Variants in GPC5 observed in about 807,000 individuals in gnomAD.
GPC5 encodes the protein glypican 5.
In GPC5, 47 loss-of-function variants were observed where a neutral mutation model predicts 53.9. The observed-to-expected ratio is 0.87, with a 90% CI of 0.69 to 1.11. The LOEUF is 1.11. Among genes scored for constraint, GPC5 ranks in the 50% most tolerant of loss-of-function variants. The pLI is 0.00. For synonymous variants in GPC5, 286 were observed against 263.3 expected (o/e 1.09, Z -0.84); for missense variants, 748 against 713.1 (o/e 1.05, Z -0.56).
chr13:91,405,239 AT>A (rs1333665479), intron 1 of GPC5, among the ~76,000 whole-genome samples: 1 of 152,134 alleles, frequency 6.6e-6, no homozygotes, highest in East Asian at 1.9e-4. Context: ...GGGATTGGCA[AT>A]TCTTTGTTGT....
intron 7 of GPC5, among the ~76,000 whole-genome samples, chr13:92,796,775 T>A (rs1460688489): frequency 6.6e-6 from 1 of 151,946 alleles, no homozygotes; most frequent in Non-Finnish European, 1.5e-5. Flanking sequence ...TGTATTTTTT[T>A]ATTTTTAAAC....
intron 7 of GPC5, among the ~76,000 whole-genome samples, chr13:92,233,589 T>A (rs2042547030): frequency 6.6e-6 from 1 of 152,224 alleles, no homozygotes; most frequent in African/African-American, 2.4e-5. Flanking sequence ...TCTGATGTGG[T>A]GCTATATGCA....
At chr13:91,820,701 C>T (rs2038478645) in intron 5 of GPC5, among the ~76,000 whole-genome samples, 1 of 152,130 alleles carries the variant, frequency 6.6e-6, no homozygotes, top group African/African-American at 2.4e-5. Context: ...CGGTGGCTCA[C>T]GCCTGTAATC....
At chr13:91,635,831 G>A (rs970497280) in intron 2 of GPC5, among the ~76,000 whole-genome samples, 1 of 151,956 alleles carries the variant, frequency 6.6e-6, no homozygotes, top group Admixed American at 6.6e-5. Flanking sequence ...ACTCCCTTGG[G>A]ATTTTATTGA....
At chr13:91,799,556 G>A (rs534513387) in intron 5 of GPC5, among the ~76,000 whole-genome samples, 2 of 129,418 alleles carry the variant, frequency 1.5e-5, no homozygotes, top group African/African-American at 7.1e-5. Flanking sequence ...TGATTTCTTT[G>A]TTTATGTCTC....
At chr13:91,707,546 G>A (rs1305642616) in intron 3 of GPC5, among the ~76,000 whole-genome samples, 1 of 152,098 alleles carries the variant, frequency 6.6e-6, no homozygotes, top group East Asian at 1.9e-4. Flanking sequence ...ACATAAGCCT[G>A]GGACATCCAG....
At chr13:91,600,847 CAT>C (rs2033159007) in intron 2 of GPC5, among the ~76,000 whole-genome samples, 1 of 152,078 alleles carries the variant, frequency 6.6e-6, no homozygotes, top group South Asian at 2.1e-4. Flanking sequence ...TTAATCTAAT[CAT>C]AGGAAGATGT....
intron 2 of GPC5, among the ~76,000 whole-genome samples, chr13:91,524,257 T>G (rs1292567650): frequency 6.6e-6 from 1 of 152,140 alleles, no homozygotes. Context: ...TTTGGACTCT[T>G]GGTTTAACAG....
At chr13:91,445,926 C>T (rs1880773760) in intron 1 of GPC5, among the ~76,000 whole-genome samples, 2 of 152,148 alleles carry the variant, frequency 1.3e-5, no homozygotes, top group South Asian at 4.1e-4. Context: ...GTCACTCCTG[C>T]TCACTATTTT....
At chr13:92,089,502 C>G (rs532454566) in intron 6 of GPC5, among the ~76,000 whole-genome samples, 3 of 151,852 alleles carry the variant, frequency 2.0e-5, no homozygotes, top group African/African-American at 7.3e-5. Flanking sequence ...ATTTCCCACA[C>G]GGTTTTTTTA....
At chr13:92,132,033 A>C (rs1159584265) in intron 6 of GPC5, among the ~76,000 whole-genome samples, 2 of 152,148 alleles carry the variant, frequency 1.3e-5, no homozygotes, top group East Asian at 3.9e-4. Flanking sequence ...CAAGGGCAGA[A>C]TGTAAACATA....
intron 2 of GPC5, among the ~76,000 whole-genome samples, chr13:91,681,759 T>C (rs1298351291): frequency 3.3e-5 from 5 of 152,158 alleles, no homozygotes; most frequent in African/African-American, 1.2e-4. Context: ...TATTAGAAAA[T>C]TTCCAGCTGA....
chr13:92,275,830 A>G (rs552619280), intron 7 of GPC5, among the ~76,000 whole-genome samples: 26 of 152,172 alleles, frequency 1.7e-4, no homozygotes, highest in Non-Finnish European at 3.1e-4. Flanking sequence ...AAGGTTAAAA[A>G]CATCAAATTC....
chr13:91,843,144 C>T (rs993735987), intron 5 of GPC5, among the ~76,000 whole-genome samples: 1 of 152,120 alleles, frequency 6.6e-6, no homozygotes, highest in African/African-American at 2.4e-5. Context: ...ACGATTTTGT[C>T]TGTGCTACAC....
In GPC5 at chr13:92,408,939, C is replaced by G. The variant is rs193151203; in HGVS notation, c.1561+263950C>G. Among the ~76,000 whole-genome samples the G allele has an allele frequency of 7.2e-5, 11 of 152,116 alleles. No individual in the cohort carries two copies. The East Asian group carries it at 1.9e-3, about 27-fold the overall frequency. On this transcript the variant is annotated intron_variant, in intron 7 of 7. Coordinates refer to ENST00000377067, the MANE Select transcript of GPC5 (RefSeq NM_004466.6). ...ATGGAATACACATTAGATTACCAAACAGTCTTCATCAGGTATATAGCTTGT... is the reference window on the plus strand; with the variant it reads ...ATGGAATACACATTAGATTACCAAAGAGTCTTCATCAGGTATATAGCTTGT...
At chr13:91,399,251 G>T (rs1356618943) in intron 1 of GPC5, 42 bp downstream of exon 1, 2 of 1,591,604 alleles carry the variant, frequency 1.3e-6, no homozygotes, top group Admixed American at 1.7e-5. Context: ...CGGCGTCCGA[G>T]CCCGGCCTTC....
At chr13:91,574,430 C>T (rs141026748) in intron 2 of GPC5, among the ~76,000 whole-genome samples, 2 of 152,210 alleles carry the variant, frequency 1.3e-5, no homozygotes, top group African/African-American at 4.8e-5. Flanking sequence ...GAGACAGTAA[C>T]AGAAATCCTG....
intron 6 of GPC5, among the ~76,000 whole-genome samples, chr13:92,035,123 G>A (rs1374471930): frequency 6.6e-6 from 1 of 151,356 alleles, no homozygotes; most frequent in Non-Finnish European, 1.5e-5. Context: ...GCTGAGGCAG[G>A]AGAATGGCGT....
At chr13:92,411,998 G>A (rs1419660931) in intron 7 of GPC5, among the ~76,000 whole-genome samples, 4 of 152,138 alleles carry the variant, frequency 2.6e-5, no homozygotes, top group Non-Finnish European at 4.4e-5. Flanking sequence ...AGGTATCCAT[G>A]ATTGCACACA....
Sources: allele counts gnomAD v4.1 joint callset (sites outside exome capture counted in the v4.1 genomes callset), GRCh38; gene constraint gnomAD v4.1.1; transcripts MANE v1.5; gene names NCBI Gene and HGNC (gene_info 2026-07-23, HGNC 2026-07-21).